PLXNA4: variants seen among roughly 807,000 people sequenced by gnomAD.
The protein encoded by PLXNA4 is plexin A4, also known as plexin-A4.
Under a neutral mutation model 191.8 loss-of-function variants are expected in PLXNA4, and 44 were observed. The observed-to-expected ratio is 0.23, with a 90% CI of 0.18 to 0.29. The LOEUF is 0.29. Among genes scored for constraint, PLXNA4 ranks in the 10% least tolerant of loss-of-function variants. The probability of loss-of-function intolerance (pLI) is 1.00; values close to 1 mark genes in which losing one functional copy is unlikely to be tolerated. For synonymous variants in PLXNA4, 1,082 were observed against 1,009.5 expected (o/e 1.07, Z -1.36); for missense variants, 1,800 against 2,488.8 (o/e 0.72, Z 5.89).
At chr7:132,132,496 T>TGC (rs1794990642) in intron 31 of PLXNA4, among the ~76,000 whole-genome samples, 1 of 31,760 alleles carries the variant, frequency 3.1e-5, no homozygotes, top group Non-Finnish European at 7.6e-5. Flanking sequence ...TGCTCTATTC[T>TGC]TTTCTATTCT....
In PLXNA4 at chr7:132,276,278, C is replaced by T. The variant is rs58065662; in HGVS notation, c.1503+21813G>A. 2.0e-3 allele frequency among the ~76,000 whole-genome samples: 299 copies of T among 152,270 alleles called. 1 individual carries two copies. Among genetic ancestry groups the T allele is most frequent in the African/African-American group, 6.8e-3 (281 of 41,550 alleles). On this transcript the variant is annotated intron_variant, in intron 4 of 31. Transcript: ENST00000321063. ...ACCCCCAGAAGAGTTTTTCTACCAC[C>T]TTCCTTCTCATTCTCTCTCCTCTTT... is the stretch of plus-strand genomic sequence containing the variant.
chr7:132,198,479 A>T lies in PLXNA4; in HGVS notation c.2738+6T>A. 6.2e-7 allele frequency: 1 copy of T among 1,613,352 alleles called. No homozygotes were observed. The highest frequency in any genetic ancestry group is 1.7e-5 in the Admixed American group (1 of 59,930). The stretch of plus-strand genomic sequence containing the variant: ...TTCCTCCTGTGTTGCATGCAGCTTC[A>T]CTTACTGTTCTGCAGGGATGTAACC... On this transcript the variant is annotated splice_donor_region_variant and intron_variant, in intron 13 of 31. Transcript: ENST00000321063.
intron 2 of PLXNA4, among the ~76,000 whole-genome samples, chr7:132,639,045 C>T (rs2116888541): frequency 6.6e-6 from 1 of 152,298 alleles, no homozygotes; most frequent in African/African-American, 2.4e-5. Flanking sequence ...GTTGGCATCC[C>T]AGAGCAGCAA....
intron 13 of PLXNA4, among the ~76,000 whole-genome samples, chr7:132,197,565 A>T (rs1797291893): frequency 6.6e-6 from 1 of 152,218 alleles, no homozygotes; most frequent in African/African-American, 2.4e-5. Context: ...TGAAAGAGCC[A>T]TAGAAAGATC....
intron 1 of PLXNA4, among the ~76,000 whole-genome samples, chr7:132,559,849 T>C (rs1800962089): frequency 1.3e-5 from 2 of 152,252 alleles, no homozygotes; most frequent in African/African-American, 4.8e-5. Flanking sequence ...CAGATACTGC[T>C]TGGGTTTTAC....
chr7:132,555,431 A>C (rs773993808), intron 1 of PLXNA4, among the ~76,000 whole-genome samples: 8 of 152,336 alleles, frequency 5.3e-5, no homozygotes, highest in Middle Eastern at 6.8e-3. Flanking sequence ...AAGAAAACTG[A>C]AGTGTTTTAA....
chr7:132,545,281 T>G (rs1372085195), intron 1 of PLXNA4, among the ~76,000 whole-genome samples: 1 of 152,168 alleles, frequency 6.6e-6, no homozygotes, highest in African/African-American at 2.4e-5. Context: ...GAAGTCAAGA[T>G]GTAGGTTTGT....
At chr7:132,163,277 G>A (rs1796003887) in intron 24 of PLXNA4, among the ~76,000 whole-genome samples, 1 of 152,218 alleles carries the variant, frequency 6.6e-6, no homozygotes, top group African/African-American at 2.4e-5. Context: ...GTGGGGAGAG[G>A]CAAGCGGGGC....
chr7:132,633,282 ATTTTTT>A (rs10706159), intron 2 of PLXNA4, among the ~76,000 whole-genome samples: 7 of 134,324 alleles, frequency 5.2e-5, no homozygotes, highest in Non-Finnish European at 1.1e-4. Context: ...TGAGGTTCTC[ATTTTTT>A]TTTTTTTTTT....
intron 4 of PLXNA4, among the ~76,000 whole-genome samples, chr7:132,274,017 G>A (rs1384858863): frequency 6.6e-6 from 1 of 151,888 alleles, no homozygotes; most frequent in African/African-American, 2.4e-5. Context: ...AAAAAAAAGG[G>A]GGCAACAACA....
At chr7:132,292,150 A>G (rs1179092605) in intron 4 of PLXNA4, among the ~76,000 whole-genome samples, 1 of 152,196 alleles carries the variant, frequency 6.6e-6, no homozygotes, top group East Asian at 1.9e-4. Flanking sequence ...CTCTCTGGAT[A>G]CTTCTTTAAC....
chr7:132,242,676 C>T (rs1798921915), intron 4 of PLXNA4, among the ~76,000 whole-genome samples: 1 of 152,164 alleles, frequency 6.6e-6, no homozygotes, highest in South Asian at 2.1e-4. Context: ...TGACCTTGAC[C>T]TTGGTGGCCC....
chr7:132,177,220 A>T (rs2116711639), intron 20 of PLXNA4, among the ~76,000 whole-genome samples: 1 of 152,282 alleles, frequency 6.6e-6, no homozygotes, highest in East Asian at 1.9e-4. Context: ...TGTATGTGTG[A>T]GTCCATGAGT....
chr7:132,222,114 C>G (rs1352774903), intron 9 of PLXNA4, among the ~76,000 whole-genome samples: 1 of 152,196 alleles, frequency 6.6e-6, no homozygotes, highest in Non-Finnish European at 1.5e-5. Flanking sequence ...CAATCAGGAT[C>G]ATCCTCTCTC....
At chr7:132,420,856 T>C (rs913333236) in intron 3 of PLXNA4, among the ~76,000 whole-genome samples, 1 of 152,210 alleles carries the variant, frequency 6.6e-6, no homozygotes, top group East Asian at 1.9e-4. Flanking sequence ...CACTCTCTTC[T>C]CTTCTCTTGT....
intron 25 of PLXNA4, among the ~76,000 whole-genome samples, chr7:132,156,168 A>ACAGACG (rs1795789999): frequency 6.6e-6 from 1 of 151,560 alleles, no homozygotes; most frequent in Non-Finnish European, 1.5e-5. Flanking sequence ...ACACACACAC[A>ACAGACG]CACACACACA....
intron 3 of PLXNA4, among the ~76,000 whole-genome samples, chr7:132,412,639 T>G (rs961971974): frequency 5.3e-5 from 8 of 152,288 alleles, no homozygotes; most frequent in African/African-American, 1.7e-4. Flanking sequence ...TCAGGTGACA[T>G]GTTGAGGTTT....
chr7:132,628,737 T>C (rs937186002), intron 2 of PLXNA4, among the ~76,000 whole-genome samples: 2 of 152,256 alleles, frequency 1.3e-5, no homozygotes, highest in Non-Finnish European at 2.9e-5. Flanking sequence ...TGTTCTCTTA[T>C]TTTTAATTTC....
intron 30 of PLXNA4, among the ~76,000 whole-genome samples, chr7:132,137,073 T>A (rs1333703456): frequency 6.6e-6 from 1 of 152,236 alleles, no homozygotes; most frequent in Non-Finnish European, 1.5e-5. Context: ...ATACCATTAA[T>A]GTTTGACCCA....
Sources: allele counts gnomAD v4.1 joint callset (sites outside exome capture counted in the v4.1 genomes callset), GRCh38; gene constraint gnomAD v4.1.1; transcripts MANE v1.5; gene names NCBI Gene and HGNC (gene_info 2026-07-23, HGNC 2026-07-21).